PACRG: variants seen among roughly 807,000 people sequenced by gnomAD.
The protein encoded by PACRG is parkin coregulated gene protein.
A neutral mutation model predicts 29.7 loss-of-function variants in PACRG; 29 were observed. The observed-to-expected ratio is 0.98, with a 90% CI of 0.73 to 1.33. The LOEUF (loss-of-function observed/expected upper bound fraction) is 1.33, where lower values mean the gene tolerates loss of function less well. Among genes scored for constraint, PACRG ranks in the 40% most tolerant of loss-of-function variants. The pLI, the probability that PACRG is intolerant of heterozygous loss-of-function variation, is 0.00. For missense variants in PACRG, 279 were observed against 316.2 expected (o/e 0.88, Z 0.89); for synonymous variants, 116 against 118.7 (o/e 0.98, Z 0.15).
chr6:163,274,772 A>T (rs1783964986), intron 4 of PACRG, among the ~76,000 whole-genome samples: 1 of 151,766 alleles, frequency 6.6e-6, no homozygotes, highest in African/African-American at 2.4e-5. Context: ...TTCCTCTTTG[A>T]TGTAGAAGTT....
At chr6:163,096,864 G>C (rs753449613) in intron 4 of PACRG, among the ~76,000 whole-genome samples, 6 of 152,148 alleles carry the variant, frequency 3.9e-5, no homozygotes, top group Non-Finnish European at 7.3e-5. Flanking sequence ...TAACATCTAA[G>C]ATGATTACAT....
chr6:163,065,225 A>T (rs1811430993), intron 3 of PACRG, among the ~76,000 whole-genome samples: 1 of 152,156 alleles, frequency 6.6e-6, no homozygotes, highest in African/African-American at 2.4e-5. Context: ...CTCCAAAATC[A>T]TGCTGACATA....
intron 2 of PACRG, among the ~76,000 whole-genome samples, chr6:163,046,186 G>A (rs552472299): frequency 1.3e-4 from 19 of 150,730 alleles, no homozygotes; most frequent in South Asian, 2.1e-4. Flanking sequence ...CATCACTCAG[G>A]GGGTATCCTC....
intron 1 of PACRG, among the ~76,000 whole-genome samples, chr6:162,733,145 A>C (rs1245106849): frequency 6.6e-6 from 1 of 152,226 alleles, no homozygotes; most frequent in African/African-American, 2.4e-5. Context: ...AGTCAGCAAA[A>C]GACAGAACAC....
chr6:163,099,697 G>A (rs1409124110), intron 4 of PACRG, among the ~76,000 whole-genome samples: 1 of 152,184 alleles, frequency 6.6e-6, no homozygotes, highest in African/African-American at 2.4e-5. Context: ...ATGTCACCAA[G>A]TGTAATTGTT....
chr6:162,745,467 G>GT (rs1432388864), intron 1 of PACRG, among the ~76,000 whole-genome samples: 3 of 152,046 alleles, frequency 2.0e-5, no homozygotes, highest in African/African-American at 4.8e-5. Flanking sequence ...TGATTGATAG[G>GT]TGCAGCAAAT....
At chr6:163,026,179 G>A (rs1399877393) in intron 2 of PACRG, among the ~76,000 whole-genome samples, 9 of 152,106 alleles carry the variant, frequency 5.9e-5, no homozygotes, top group Admixed American at 2.0e-4. Flanking sequence ...TTTGATAAAA[G>A]GGAACAACAT....
chr6:162,970,129 G>T (rs1801402099), intron 2 of PACRG, among the ~76,000 whole-genome samples: 1 of 152,174 alleles, frequency 6.6e-6, no homozygotes, highest in Non-Finnish European at 1.5e-5. Context: ...CATGTGAGTT[G>T]CATTGTTGGT....
At position 162,747,438 on chromosome 6, in the gene PACRG, C is replaced by CTA. The variant is rs71813457; in HGVS notation, c.156+19060_156+19061dup. On this transcript the variant is annotated intron_variant, in intron 1 of 4. Transcript: ENST00000366888. ...TATAACTATAAATATATATGTAAAA[C>CTA]TATATATATATATAACTATAAATAT... Among the ~76,000 whole-genome samples the CTA allele has an allele frequency of 5.4e-4, 25 of 46,202 alleles. 4 individuals are homozygous for CTA. The highest frequency in any genetic ancestry group is 1.3e-3 in the East Asian group (1 of 800). The allele number at this position is 46,202 out of a possible 152,430, so 30.3% of individuals were successfully genotyped here. A position where few individuals can be genotyped will look rare whatever the true frequency, so the allele number is the denominator to read the frequency against.
At chr6:162,750,473 T>G (rs1781433046) in intron 1 of PACRG, among the ~76,000 whole-genome samples, 1 of 152,238 alleles carries the variant, frequency 6.6e-6, no homozygotes, top group Non-Finnish European at 1.5e-5. Context: ...CTAATGATCA[T>G]TGATTTGACC....
At chr6:163,044,104 G>C (rs1323497996) in intron 2 of PACRG, among the ~76,000 whole-genome samples, 1 of 152,006 alleles carries the variant, frequency 6.6e-6, no homozygotes, top group East Asian at 1.9e-4. Flanking sequence ...GGGTGTTCAT[G>C]AGCTTTGCAC....
In PACRG at chr6:163,152,041, C is replaced by A. The variant is rs190245338; in HGVS notation, c.613+62633C>A. Among the ~76,000 whole-genome samples the A allele has an allele frequency of 1.2e-4, 19 of 152,296 alleles. No individual in the cohort carries two copies. The East Asian group carries it at 3.7e-3, about 29-fold the overall frequency. The stretch of plus-strand genomic sequence containing the variant: ...AATGCCAAATTACAATGGCACTTCC[C>A]AGCTGTGTGCAGAACTTTATATTTT... On this transcript the variant is annotated intron_variant, in intron 4 of 4. Coordinates refer to ENST00000366888, the MANE Select transcript of PACRG (RefSeq NM_001080379.2).
intron 2 of PACRG, among the ~76,000 whole-genome samples, chr6:162,957,742 C>A (rs1800171239): frequency 6.6e-6 from 1 of 151,922 alleles, no homozygotes; most frequent in African/African-American, 2.4e-5. Context: ...AATTAAGAAG[C>A]CCAGAACTCG....
chr6:163,253,361 C>G lies in PACRG; in HGVS notation c.614-61466C>G, dbSNP rs79726897. Among the ~76,000 whole-genome samples the G allele has an allele frequency of 6.8e-3, 1,028 of 150,960 alleles. 11 individuals are homozygous for G. The highest frequency in any genetic ancestry group is 0.023 in the African/African-American group (941 of 41,134). Reference sequence around the variant, plus strand: ...GAAAATGTAAAAAAATAGATGAGCTCTTGTGATATTTCTAAGAAATATAAT... The same window carrying G: ...GAAAATGTAAAAAAATAGATGAGCTGTTGTGATATTTCTAAGAAATATAAT... On this transcript the variant is annotated intron_variant, in intron 4 of 4. Coordinates refer to ENST00000366888, the MANE Select transcript of PACRG (RefSeq NM_001080379.2).
At chr6:162,859,393 C>A (rs1162482107) in intron 2 of PACRG, among the ~76,000 whole-genome samples, 1 of 152,114 alleles carries the variant, frequency 6.6e-6, no homozygotes, top group Non-Finnish European at 1.5e-5. Context: ...TATACATGAA[C>A]CCAAAGGAAC....
At chr6:163,140,514 G>T (rs1309679063) in intron 4 of PACRG, among the ~76,000 whole-genome samples, 1 of 152,190 alleles carries the variant, frequency 6.6e-6, no homozygotes, top group Non-Finnish European at 1.5e-5. Flanking sequence ...GAGGCTCTAG[G>T]AGTTGAGTGC....
intron 2 of PACRG, among the ~76,000 whole-genome samples, chr6:162,950,850 C>G (rs1414181951): frequency 2.0e-5 from 3 of 152,160 alleles, no homozygotes; most frequent in East Asian, 1.9e-4. Flanking sequence ...AAAGCCTAGA[C>G]AGAGTGGACA....
chr6:163,301,798 C>A (rs1785013149), intron 4 of PACRG, among the ~76,000 whole-genome samples: 1 of 152,172 alleles, frequency 6.6e-6, no homozygotes, highest in Admixed American at 6.5e-5. Context: ...TTATCAACAG[C>A]ACGTTAAATT....
chr6:163,138,570 G>A (rs769712341), intron 4 of PACRG, among the ~76,000 whole-genome samples: 3 of 152,116 alleles, frequency 2.0e-5, no homozygotes, highest in East Asian at 1.9e-4. Context: ...CCTCACATGC[G>A]CAGTTCACAA....
Sources: gnomAD v4.1 joint callset for allele counts (sites outside exome capture counted in the v4.1 genomes callset) on GRCh38, gnomAD v4.1.1 for gene constraint, MANE v1.5 for transcripts, NCBI Gene and HGNC (gene_info 2026-07-23, HGNC 2026-07-21) for gene names.